The following RBMS3 variants were observed in gnomAD, a reference collection of about 807,000 sequenced individuals.
RBMS3 encodes the protein RNA binding motif single stranded interacting protein 3, also known as RNA-binding motif, single-stranded-interacting protein 3.
RBMS3 carries 27 observed loss-of-function variants against 66.8 expected under a neutral mutation model. The observed-to-expected ratio is 0.40, with a 90% CI of 0.30 to 0.56. The LOEUF (loss-of-function observed/expected upper bound fraction) is 0.56. Among genes scored for constraint, RBMS3 ranks in the 20% least tolerant of loss-of-function variants. The pLI is 0.40. For synonymous variants in RBMS3, 188 were observed against 183.0 expected, an observed-to-expected ratio of 1.03 and a Z score of -0.22; for missense variants, 513 against 549.5, an observed-to-expected ratio of 0.93 and a Z score of 0.66.
chr3:29,739,664 G>A (rs1206694066), intron 4 of RBMS3, 56 bp from the exon 5 acceptor site: 17 of 1,434,160 alleles, frequency 1.2e-5, no homozygotes, highest in East Asian at 2.4e-5. Context: ...TTCTCTATTT[G>A]TACAATGTTT....
At chr3:29,493,385 A>G (rs534409270) in intron 3 of RBMS3, among the ~76,000 whole-genome samples, 1 of 152,322 alleles carries the variant, frequency 6.6e-6, no homozygotes, top group Admixed American at 6.5e-5. Context: ...TAAATTAGTC[A>G]ACTGCACTGT....
intron 6 of RBMS3, among the ~76,000 whole-genome samples, chr3:29,817,213 A>C (rs1576896888): frequency 2.2e-5 from 1 of 45,222 alleles, no homozygotes; most frequent in East Asian, 2.3e-4. Context: ...TTTGAGGCAA[A>C]GTCTCACTCT....
At chr3:29,833,226 G>A (rs571719760) in intron 6 of RBMS3, among the ~76,000 whole-genome samples, 6 of 152,258 alleles carry the variant, frequency 3.9e-5, no homozygotes, top group South Asian at 4.2e-4. Context: ...CTTCAAATGA[G>A]AATACAGTAA....
At position 29,283,647 on chromosome 3, in the gene RBMS3, G is replaced by C. The variant is rs145152301; in HGVS notation, c.75+1891G>C. 2.1e-3 allele frequency among the ~76,000 whole-genome samples: 316 copies of C among 152,242 alleles called. 2 individuals carry two copies. Among genetic ancestry groups the C allele is most frequent in the African/African-American group, 7.3e-3 (305 of 41,560 alleles). ...AGCTAGCCAACACCTTGAACTTCTG[G>C]AACATTTTTAAAGAAGTTAGATCCA... is the stretch of plus-strand genomic sequence containing the variant. On this transcript the variant is annotated intron_variant, in intron 1 of 14. Coordinates refer to ENST00000383767, the MANE Select transcript of RBMS3 (RefSeq NM_001003793.3).
At chr3:29,554,925 T>G (rs192671840) in intron 3 of RBMS3, among the ~76,000 whole-genome samples, 30 of 152,294 alleles carry the variant, frequency 2.0e-4, no homozygotes, top group African/African-American at 6.7e-4. Context: ...AGATTAGTGC[T>G]TCAGTAGAAA....
chr3:29,985,399 G>A (rs6792406), intron 12 of RBMS3, among the ~76,000 whole-genome samples: 25,631 of 151,384 alleles, frequency 0.17, 2,548 homozygotes, highest in East Asian at 0.33. Flanking sequence ...GTGCCACTGG[G>A]GTATGAAAAA....
intron 1 of RBMS3, among the ~76,000 whole-genome samples, chr3:29,408,726 G>A (rs1303317842): frequency 6.6e-6 from 1 of 152,108 alleles, no homozygotes; most frequent in African/African-American, 2.4e-5. Flanking sequence ...CTGTTATATT[G>A]TGTAATCGCT....
intron 6 of RBMS3, among the ~76,000 whole-genome samples, chr3:29,828,534 T>C (rs1012963071): frequency 6.6e-6 from 1 of 152,214 alleles, no homozygotes; most frequent in African/African-American, 2.4e-5. Flanking sequence ...AACACATATA[T>C]ACATATCTTT....
At chr3:29,771,794 T>C (rs1315028396) in intron 6 of RBMS3, among the ~76,000 whole-genome samples, 1 of 151,938 alleles carries the variant, frequency 6.6e-6, no homozygotes, top group East Asian at 1.9e-4. Flanking sequence ...ATGACCTACA[T>C]GGCTGGTGCA....
At chr3:29,369,518 ACACACACACACACACT>A (rs1370882439) in intron 1 of RBMS3, among the ~76,000 whole-genome samples, 70 of 151,064 alleles carry the variant, frequency 4.6e-4, no homozygotes, top group African/African-American at 1.6e-3. Context: ...ACACACACAC[ACACACACACACACACT>A]TTGAGTGAGG....
Position 29,769,587 on chromosome 3 carries a change from G to T in RBMS3, c.637+6598G>T, listed in dbSNP as rs1315084387. Among the ~76,000 whole-genome samples the T allele has an allele frequency of 4.0e-5, 6 of 151,118 alleles. No individual in the cohort carries two copies. In the East Asian group the frequency reaches 7.8e-4, roughly 20 times the overall value. ...TGAAGTTCTAATCTTGGTAGGAGCA[G>T]GTTAAGTGAATAGTGACAAAGAGGG... is the stretch of plus-strand genomic sequence containing the variant. On this transcript the variant is annotated intron_variant, in intron 6 of 14. Transcript: ENST00000383767.
chr3:29,343,948 G>A (rs2036428021), intron 1 of RBMS3, among the ~76,000 whole-genome samples: 1 of 152,152 alleles, frequency 6.6e-6, no homozygotes, highest in Non-Finnish European at 1.5e-5. Flanking sequence ...AAATAACAGT[G>A]TTTTCATTTT....
chr3:29,782,075 G>A (rs910918792), intron 6 of RBMS3, among the ~76,000 whole-genome samples: 1 of 152,150 alleles, frequency 6.6e-6, no homozygotes, highest in East Asian at 1.9e-4. Context: ...GAAGACAAAG[G>A]TCATAATCTC....
chr3:29,436,323 T>C (rs34864379), intron 2 of RBMS3, among the ~76,000 whole-genome samples: 6,464 of 152,298 alleles, frequency 0.042, 174 homozygotes, highest in Non-Finnish European at 0.064. Flanking sequence ...TCTAATTGTT[T>C]GACAAAACAG....
chr3:29,350,232 CATT>C (rs745831392), intron 1 of RBMS3, among the ~76,000 whole-genome samples: 3 of 150,894 alleles, frequency 2.0e-5, no homozygotes, highest in East Asian at 3.9e-4. Flanking sequence ...AAAAAACTGT[CATT>C]ATAAAATTAT....
chr3:29,580,119 C>G (rs1360495653), intron 3 of RBMS3, among the ~76,000 whole-genome samples: 1 of 152,126 alleles, frequency 6.6e-6, no homozygotes, highest in East Asian at 1.9e-4. Flanking sequence ...CTAAATTTGT[C>G]TGTCTTTGTA....
intron 4 of RBMS3, among the ~76,000 whole-genome samples, chr3:29,636,380 T>G (rs12107811): frequency 2.2e-4 from 33 of 151,872 alleles, no homozygotes; most frequent in African/African-American, 8.0e-4. Context: ...TAATGATAGT[T>G]GTAAAGTGCA....
chr3:29,625,492 G>C (rs1047920669), intron 4 of RBMS3, among the ~76,000 whole-genome samples: 1 of 151,886 alleles, frequency 6.6e-6, no homozygotes, highest in Admixed American at 6.6e-5. Context: ...TCAGGAGTTC[G>C]AGACCAGCCC....
chr3:29,991,056 T>G (rs1376776471), intron 13 of RBMS3, 26 bp from the exon 14 acceptor site: 4 of 1,610,922 alleles, frequency 2.5e-6, no homozygotes, highest in Non-Finnish European at 3.4e-6. Flanking sequence ...CAAGTAAGGC[T>G]TTTATGTTCT....
Sources: allele counts gnomAD v4.1 joint callset (sites outside exome capture counted in the v4.1 genomes callset), GRCh38; gene constraint gnomAD v4.1.1; transcripts MANE v1.5; gene names NCBI Gene and HGNC (gene_info 2026-07-23, HGNC 2026-07-21).